ATRNL1: variants seen among roughly 807,000 people sequenced by gnomAD.
The protein encoded by ATRNL1 is attractin-like protein 1.
In ATRNL1, 95 loss-of-function variants were observed where a neutral mutation model predicts 182.7. The observed-to-expected ratio is 0.52, with a 90% confidence interval of 0.44 to 0.62. ATRNL1 has a LOEUF of 0.62. Among genes scored for constraint, ATRNL1 ranks in the 20% least tolerant of loss-of-function variants. The probability of loss-of-function intolerance (pLI) is 0.00; values close to 1 mark genes in which losing one functional copy is unlikely to be tolerated. For synonymous variants in ATRNL1, 576 were observed against 568.3 expected, an observed-to-expected ratio of 1.01 and a Z score of -0.19; for missense variants, 1,471 against 1,679.5, an observed-to-expected ratio of 0.88 and a Z score of 2.17.
At chr10:115,204,176 T>C (rs150630857) in intron 8 of ATRNL1, among the ~76,000 whole-genome samples, 1 of 151,770 alleles carries the variant, frequency 6.6e-6, no homozygotes, top group Non-Finnish European at 1.5e-5. Context: ...AATTTTTAAA[T>C]TTTTTTTTAC....
intron 10 of ATRNL1, among the ~76,000 whole-genome samples, chr10:115,248,687 T>G (rs1337221065): frequency 1.3e-5 from 2 of 151,320 alleles, no homozygotes; most frequent in East Asian, 1.9e-4. Context: ...TATGAATGAG[T>G]TTTTTTTTAA....
intron 13 of ATRNL1, among the ~76,000 whole-genome samples, chr10:115,277,676 A>C (rs1174055240): frequency 2.0e-5 from 3 of 152,052 alleles, no homozygotes; most frequent in Non-Finnish European, 4.4e-5. Context: ...AAGCTGAGCC[A>C]AAAATTTTAA....
chr10:115,536,693 G>A (rs111997487), intron 25 of ATRNL1, among the ~76,000 whole-genome samples: 63,204 of 152,066 alleles, frequency 0.42, 13,675 homozygotes, highest in Middle Eastern at 0.53. Context: ...GAAATCACCC[G>A]TCTTCTGCGT....
At chr10:115,526,235 TTC>T (rs1347642864) in intron 25 of ATRNL1, among the ~76,000 whole-genome samples, 1 of 152,152 alleles carries the variant, frequency 6.6e-6, no homozygotes, top group African/African-American at 2.4e-5. Flanking sequence ...TGGCTTAGCA[TTC>T]TGTCATCTCT....
intron 25 of ATRNL1, among the ~76,000 whole-genome samples, chr10:115,521,748 G>GT (rs782308013): frequency 6.6e-6 from 1 of 152,056 alleles, no homozygotes; most frequent in Non-Finnish European, 1.5e-5. Context: ...TATTTGATGG[G>GT]TTTTTTGTCA....
chr10:115,598,504 C>T (rs1470486107), intron 26 of ATRNL1, among the ~76,000 whole-genome samples: 4 of 151,518 alleles, frequency 2.6e-5, no homozygotes, highest in Non-Finnish European at 5.9e-5. Context: ...GCCAGGACTA[C>T]AGGCACACAC....
At chr10:115,843,411 A>T (rs72828855) in intron 27 of ATRNL1, among the ~76,000 whole-genome samples, 3,724 of 152,202 alleles carry the variant, frequency 0.024, 63 homozygotes, top group Non-Finnish European at 0.036. Flanking sequence ...AGAGGGTCAC[A>T]AAAGTTAAAG....
At chr10:115,603,433 G>A (rs11197338) in intron 26 of ATRNL1, among the ~76,000 whole-genome samples, 74,894 of 151,866 alleles carry the variant, frequency 0.49, 19,377 homozygotes, top group African/African-American at 0.6. Flanking sequence ...GCTAGAGCCA[G>A]AGACCAAACA....
Position 115,700,807 on chromosome 10 carries a change from C to G in ATRNL1, c.3796-26441C>G, listed in dbSNP as rs886114290. Among the ~76,000 whole-genome samples the G allele has an allele frequency of 2.6e-5, 4 of 152,064 alleles. 1 individual carries two copies. Among genetic ancestry groups the G allele is most frequent in the Non-Finnish European group, 5.9e-5 (4 of 68,002 alleles). On this transcript the variant is annotated intron_variant, in intron 26 of 28. Transcript: ENST00000355044. ...CGTTGGAGCACCCAGAATTATAAAA[C>G]AAGTCCTTCTAGACCTATGAAAATA...
At chr10:115,844,473 T>G (rs1555098208) in intron 27 of ATRNL1, among the ~76,000 whole-genome samples, 1 of 152,098 alleles carries the variant, frequency 6.6e-6, no homozygotes, top group Admixed American at 6.6e-5. Flanking sequence ...TTAAGAACTA[T>G]ACCTTGAAAA....
At chr10:115,155,230 CTTTT>C (rs1156457004) in intron 5 of ATRNL1, among the ~76,000 whole-genome samples, 1 of 148,722 alleles carries the variant, frequency 6.7e-6, no homozygotes, top group Non-Finnish European at 1.5e-5. Flanking sequence ...TCATGTTTTT[CTTTT>C]TTTTTCTTTT....
chr10:115,367,282 C>G (rs1366425366), intron 19 of ATRNL1, among the ~76,000 whole-genome samples: 2 of 137,578 alleles, frequency 1.5e-5, no homozygotes, highest in Admixed American at 1.5e-4. Context: ...TCTTCCATCG[C>G]TGATACCCTT....
chr10:115,253,593 G>A (rs1554905907), intron 10 of ATRNL1, among the ~76,000 whole-genome samples: 1 of 152,008 alleles, frequency 6.6e-6, no homozygotes, highest in Non-Finnish European at 1.5e-5. Context: ...GGTGGGCAGG[G>A]CAGATTTTTT....
chr10:115,272,007 A>C (rs1851888568), intron 13 of ATRNL1, among the ~76,000 whole-genome samples: 1 of 152,066 alleles, frequency 6.6e-6, no homozygotes, highest in African/African-American at 2.4e-5. Flanking sequence ...GGTCGTTTAA[A>C]AGTATGTGGC....
At chr10:115,233,192 G>T (rs1352126093) in intron 9 of ATRNL1, among the ~76,000 whole-genome samples, 3 of 151,960 alleles carry the variant, frequency 2.0e-5, no homozygotes, top group Non-Finnish European at 2.9e-5. Context: ...ACTTGTTTAG[G>T]ATTAGATCTA....
rs1663142 is a variant in ATRNL1, at chr10:115,174,218, G to A, written c.1348+2926G>A. Among the ~76,000 whole-genome samples the A allele has an allele frequency of 7.2e-3, 1,094 of 150,982 alleles. 13 individuals carry two copies. Among genetic ancestry groups the A allele is most frequent in the African/African-American group, 0.026 (1,059 of 41,268 alleles). ...TATGAGGAATTTTTTTTTTACCCTC[G>A]TAATTTCTCTGGAAATGTAATTTTC... On this transcript the variant is annotated intron_variant, in intron 8 of 28. Transcript: ENST00000355044.
intron 14 of ATRNL1, 28 bp downstream of exon 14, chr10:115,281,515 G>T (rs544005593): frequency 1.2e-6 from 2 of 1,606,922 alleles, no homozygotes; most frequent in South Asian, 1.1e-5. Context: ...TAGTAAATGA[G>T]TTTATGGTCT....
In ATRNL1 at chr10:115,171,175, G is replaced by A; in HGVS notation, c.1231G>A (p.Val411Met). The A allele has an allele frequency of 6.2e-7, 1 of 1,611,664 alleles. No individual in the cohort carries two copies. The highest frequency in any genetic ancestry group is 8.5e-7 in the Non-Finnish European group (1 of 1,178,378). The change falls in exon 8 of 29, where the codon GTG becomes ATG. Residue 411 changes from valine to methionine, a missense_variant. Coordinates refer to ENST00000355044, the MANE Select transcript of ATRNL1 (RefSeq NM_207303.4). ...TCTTGGACATGGTCAGCAGTATGCT[G>A]TGGAGGGACATTCAGCACATATTAT... is the stretch of plus-strand genomic sequence containing the variant. The part of the protein sequence containing the change: ...TVLGHGQQYA[V>M]EGHSAHIMEL...
chr10:115,409,856 G>T (rs1845046417), intron 20 of ATRNL1, among the ~76,000 whole-genome samples: 1 of 152,148 alleles, frequency 6.6e-6, no homozygotes, highest in Non-Finnish European at 1.5e-5. Context: ...GTTTGGTGTG[G>T]TTTGTCATGT....
Sources: gnomAD v4.1 joint callset for allele counts (sites outside exome capture counted in the v4.1 genomes callset) on GRCh38, gnomAD v4.1.1 for gene constraint, MANE v1.5 for transcripts, NCBI Gene and HGNC (gene_info 2026-07-23, HGNC 2026-07-21) for gene names.